Variants in HDAC4 observed in about 807,000 individuals in gnomAD.
HDAC4 encodes the protein histone deacetylase A.
In HDAC4, 16 loss-of-function variants were observed where a neutral mutation model predicts 135.1. That is an observed-to-expected ratio of 0.12 (90% CI 0.08 to 0.18). HDAC4 has a LOEUF of 0.18. Among genes scored for constraint, HDAC4 ranks in the 10% least tolerant of loss-of-function variants. The pLI is 1.00. For synonymous variants in HDAC4, 685 were observed against 653.4 expected (o/e 1.05, Z -0.74); for missense variants, 1,143 against 1,511.8 (o/e 0.76, Z 4.05).
At chr2:239,118,585 C>T (rs950227824) in intron 12 of HDAC4, among the ~76,000 whole-genome samples, 5 of 152,108 alleles carry the variant, frequency 3.3e-5, no homozygotes, top group African/African-American at 1.2e-4. Flanking sequence ...TTGGTGGCCC[C>T]GATATTCACG....
intron 2 of HDAC4, among the ~76,000 whole-genome samples, chr2:239,317,785 G>A (rs947453029): frequency 6.6e-6 from 1 of 152,158 alleles, no homozygotes; most frequent in East Asian, 1.9e-4. Context: ...AACGACAGAG[G>A]GTCCTCAAGC....
In HDAC4 at chr2:239,142,618, C is replaced by T. The variant is rs542225046; in HGVS notation, c.865+1965G>A. ...GCTCAGCACTGATCACGCCCTGCCA[C>T]GCATGGCTCCTGGGTGAGCTCAGCA... On this transcript the variant is annotated intron_variant, in intron 8 of 26. Coordinates refer to ENST00000543185, the MANE Select transcript of HDAC4 (RefSeq NM_001378414.1). Among the ~76,000 whole-genome samples, 18 of 147,686 alleles carry T rather than the reference C, an allele frequency of 1.2e-4. No individual in the cohort carries two copies. The South Asian group carries it at 1.5e-3, about 12-fold the overall frequency.
At chr2:239,277,606 A>G (rs1380670097) in intron 2 of HDAC4, among the ~76,000 whole-genome samples, 1 of 152,074 alleles carries the variant, frequency 6.6e-6, no homozygotes, top group Admixed American at 6.5e-5. Context: ...GCCCACTCTC[A>G]CCGCACGCAT....
intron 2 of HDAC4, among the ~76,000 whole-genome samples, chr2:239,341,134 G>A (rs1050690233): frequency 1.3e-5 from 2 of 152,174 alleles, no homozygotes; most frequent in Admixed American, 1.3e-4. Context: ...CTCCTCAAAT[G>A]TTCTAGAACT....
chr2:239,214,566 T>C (rs1187439768), intron 3 of HDAC4, among the ~76,000 whole-genome samples: 1 of 152,138 alleles, frequency 6.6e-6, no homozygotes, highest in Admixed American at 6.5e-5. Context: ...AAGAACAGAA[T>C]TGGGGCCAGG....
At chr2:239,294,211 A>G (rs755439458) in intron 2 of HDAC4, among the ~76,000 whole-genome samples, 2 of 152,190 alleles carry the variant, frequency 1.3e-5, no homozygotes, top group Non-Finnish European at 2.9e-5. Flanking sequence ...ATCAACTCCC[A>G]GTGACTCAGA....
intron 22 of HDAC4, among the ~76,000 whole-genome samples, chr2:239,078,573 C>A (rs2034999211): frequency 1.3e-5 from 2 of 152,116 alleles, no homozygotes; most frequent in South Asian, 4.1e-4. Flanking sequence ...TTCAAAGATG[C>A]TATTTAAGCT....
intron 16 of HDAC4, among the ~76,000 whole-genome samples, chr2:239,099,265 G>A (rs2037394676): frequency 6.6e-6 from 1 of 152,322 alleles, no homozygotes; most frequent in South Asian, 2.1e-4. Flanking sequence ...CCGGTCCTTT[G>A]AAAATGGATG....
intron 5 of HDAC4, among the ~76,000 whole-genome samples, chr2:239,169,977 A>G (rs181668601): frequency 1.2e-4 from 18 of 152,306 alleles, no homozygotes; most frequent in African/African-American, 4.3e-4. Context: ...TTAGACCTAC[A>G]ATGGAATATA....
intron 7 of HDAC4, chr2:239,154,725 T>C (rs1446754327): frequency 6.6e-6 from 1 of 152,180 alleles, no homozygotes; most frequent in African/African-American, 2.4e-5. Context: ...TCTCTCCTGA[T>C]ACTACTGGGC....
chr2:239,057,046 G>A (rs530085572), intron 24 of HDAC4, among the ~76,000 whole-genome samples: 2 of 152,356 alleles, frequency 1.3e-5, no homozygotes, highest in East Asian at 1.9e-4. Context: ...AAGGGCAGTT[G>A]TGGTAAAGCT....
chr2:239,244,452 G>A (rs1024475922), intron 2 of HDAC4, among the ~76,000 whole-genome samples: 12 of 152,070 alleles, frequency 7.9e-5, no homozygotes, highest in African/African-American at 1.9e-4. Context: ...CCCTCCACAC[G>A]GCGTGTGAGT....
rs1412064702 is a variant in HDAC4, at chr2:239,349,242, A to G, written c.22+3436T>C. Among the ~76,000 whole-genome samples, 2 of 152,118 alleles carry G rather than the reference A, an allele frequency of 1.3e-5. No homozygotes were observed. Among genetic ancestry groups the G allele is most frequent in the Admixed American group, 1.3e-4 (2 of 15,284 alleles). On this transcript the variant is annotated intron_variant, in intron 2 of 26. Transcript: ENST00000543185. This position sits in a 1 kb window ranked among gnomAD's most constrained non-coding sequence, Gnocchi z 5.7. ...TAGCAGAGGACGGCACGAGAGACACACGGAGGGAGGGGAGGTGCAGCCAGG... is the reference window on the plus strand; with the variant it reads ...TAGCAGAGGACGGCACGAGAGACACGCGGAGGGAGGGGAGGTGCAGCCAGG...
intron 6 of HDAC4, chr2:239,161,810 T>G (rs1163317126): frequency 4.8e-6 from 2 of 418,606 alleles, no homozygotes; most frequent in South Asian, 3.5e-5. Context: ...CCAGCCACTC[T>G]GTTTGCCACC....
chr2:239,065,802 G>A lies in HDAC4; in HGVS notation c.3003+920C>T, dbSNP rs116682866. On this transcript the variant is annotated intron_variant, in intron 24 of 26. Transcript: ENST00000543185. ...TGCCAGCTGGCTGTTCTCCGGACCTGCACTGGACACCCAGCGCAGGCAGCC... is the reference window on the plus strand; with the variant it reads ...TGCCAGCTGGCTGTTCTCCGGACCTACACTGGACACCCAGCGCAGGCAGCC... Among the ~76,000 whole-genome samples the A allele has an allele frequency of 2.7e-3, 406 of 152,340 alleles. 5 individuals are homozygous for A. The highest frequency in any genetic ancestry group is 9.3e-3 in the African/African-American group (388 of 41,588).
Position 239,175,937 on chromosome 2 carries a change from T to C in HDAC4, c.490+476A>G, listed in dbSNP as rs111779981. Among the ~76,000 whole-genome samples, 444 of 152,298 alleles carry C rather than the reference T, an allele frequency of 2.9e-3. 2 individuals are homozygous for C. Among genetic ancestry groups the C allele is most frequent in the East Asian group, 0.023 (119 of 5,170 alleles). On this transcript the variant is annotated intron_variant, in intron 5 of 26. Coordinates refer to ENST00000543185, the MANE Select transcript of HDAC4 (RefSeq NM_001378414.1). ...GATAAATCCATGGACTCTGGTTCAC[T>C]GGGGGAGCTAACCATGGGTGGGCTG...
chr2:239,266,120 G>A (rs1361823542), intron 2 of HDAC4, among the ~76,000 whole-genome samples: 1 of 152,208 alleles, frequency 6.6e-6, no homozygotes, highest in Non-Finnish European at 1.5e-5. Context: ...GAGACCAGAG[G>A]TGAACCATAA....
At chr2:239,315,974 C>T (rs1365882904) in intron 2 of HDAC4, among the ~76,000 whole-genome samples, 1 of 152,188 alleles carries the variant, frequency 6.6e-6, no homozygotes, top group Non-Finnish European at 1.5e-5. Flanking sequence ...TGAGCAGTTA[C>T]TTGCAATACA....
chr2:239,341,618 C>A (rs1692302989), intron 2 of HDAC4, among the ~76,000 whole-genome samples: 1 of 152,206 alleles, frequency 6.6e-6, no homozygotes. Flanking sequence ...CAGCATTTCA[C>A]AAACCCTACT....
Sources: allele counts gnomAD v4.1 joint callset (sites outside exome capture counted in the v4.1 genomes callset), GRCh38; gene constraint gnomAD v4.1.1; non-coding constraint Gnocchi (gnomAD v3.1); transcripts MANE v1.5; gene names NCBI Gene and HGNC (gene_info 2026-07-23, HGNC 2026-07-21).